The following PSMA1 variants were observed in gnomAD, a reference collection of about 807,000 sequenced individuals.
PSMA1 encodes proteasome 20S subunit alpha 1.
In PSMA1, 3 loss-of-function variants were observed where a neutral mutation model predicts 38.4. That is an observed-to-expected ratio of 0.08 (90% confidence interval 0.04 to 0.20). PSMA1 has a LOEUF of 0.20. Among genes scored for constraint, PSMA1 ranks in the 10% least tolerant of loss-of-function variants. The pLI is 1.00. For missense variants in PSMA1, 227 were observed against 325.3 expected, an observed-to-expected ratio of 0.70 and a Z score of 2.32; for synonymous variants, 101 against 107.1, an observed-to-expected ratio of 0.94 and a Z score of 0.35.
intron 2 of PSMA1, among the ~76,000 whole-genome samples, chr11:14,542,924 C>T (rs936570313): frequency 3.3e-5 from 5 of 152,238 alleles, no homozygotes; most frequent in Admixed American, 6.5e-5. Flanking sequence ...GGCAAGATCT[C>T]GGCTCACTGT....
chr11:14,563,503 T>C (rs1852033728), intron 2 of PSMA1, among the ~76,000 whole-genome samples: 1 of 152,240 alleles, frequency 6.6e-6, no homozygotes, highest in Non-Finnish European at 1.5e-5. Flanking sequence ...TAGAGCTGCC[T>C]GGGCTGCTTT....
intron 1 of PSMA1, among the ~76,000 whole-genome samples, chr11:14,629,027 T>C (rs1852960651): frequency 6.6e-6 from 1 of 151,248 alleles, no homozygotes; most frequent in African/African-American, 2.4e-5. Context: ...TGTTTTTTTC[T>C]TGTAAATTTG....
chr11:14,521,051 CAGATT>C (rs1851519848), upstream of PSMA1, among the ~76,000 whole-genome samples: 1 of 152,142 alleles, frequency 6.6e-6, no homozygotes, highest in Admixed American at 6.6e-5. Context: ...TGGTACCTGA[CAGATT>C]AGGCCACTGA....
intron 2 of PSMA1, among the ~76,000 whole-genome samples, chr11:14,564,822 A>T (rs1344319894): frequency 1.3e-5 from 2 of 148,816 alleles, no homozygotes; most frequent in Non-Finnish European, 3.0e-5. Context: ...TCTGTTGCCC[A>T]GGCTGGAATG....
At chr11:14,542,389 G>A (rs967477841) in intron 2 of PSMA1, among the ~76,000 whole-genome samples, 2 of 152,100 alleles carry the variant, frequency 1.3e-5, no homozygotes, top group African/African-American at 4.8e-5. Context: ...TTCAAAGGCT[G>A]GCATTCAGCT....
intron 2 of PSMA1, among the ~76,000 whole-genome samples, chr11:14,532,921 A>G (rs1362708230): frequency 3.9e-5 from 6 of 152,208 alleles, no homozygotes; most frequent in Non-Finnish European, 8.8e-5. Context: ...AAATCTAAAA[A>G]TAGCTGCTAA....
chr11:14,560,267 C>T (rs1219499546), intron 2 of PSMA1, among the ~76,000 whole-genome samples: 4 of 152,164 alleles, frequency 2.6e-5, no homozygotes, highest in Non-Finnish European at 5.9e-5. Context: ...ACAGTTCCTC[C>T]AGTATCCTGG....
At chr11:14,642,067 AGAT>A (rs1439468999) in intron 1 of PSMA1, among the ~76,000 whole-genome samples, 11 of 152,314 alleles carry the variant, frequency 7.2e-5, no homozygotes, top group African/African-American at 1.9e-4. Context: ...ATCCTACTTT[AGAT>A]GATAACTTCA....
At chr11:14,613,213 T>C (rs1852729901) in intron 1 of PSMA1, among the ~76,000 whole-genome samples, 1 of 150,300 alleles carries the variant, frequency 6.7e-6, no homozygotes, top group Non-Finnish European at 1.5e-5. Context: ...AAGTTAGGAG[T>C]TAAAAATCAA....
chr11:14,547,312 G>T (rs1296308595), intron 2 of PSMA1, among the ~76,000 whole-genome samples: 1 of 152,178 alleles, frequency 6.6e-6, no homozygotes, highest in African/African-American at 2.4e-5. Flanking sequence ...GAAGGTTAGA[G>T]AAATCTTTTT....
intron 2 of PSMA1, among the ~76,000 whole-genome samples, chr11:14,602,305 G>A (rs947370968): frequency 1.3e-5 from 2 of 152,118 alleles, no homozygotes; most frequent in East Asian, 3.9e-4. Flanking sequence ...AGCTTTTTGG[G>A]AGTAGCAAGG....
upstream of PSMA1, among the ~76,000 whole-genome samples, chr11:14,521,265 A>G (rs1455023847): frequency 6.7e-6 from 1 of 148,372 alleles, no homozygotes; most frequent in African/African-American, 2.5e-5. Flanking sequence ...TGAGATCACT[A>G]TATTATTTTA....
intron 1 of PSMA1, among the ~76,000 whole-genome samples, chr11:14,636,247 C>T (rs926189572): frequency 3.9e-5 from 6 of 152,150 alleles, no homozygotes; most frequent in Non-Finnish European, 8.8e-5. Context: ...ATAAGGTTGA[C>T]AATGAAACTT....
chr11:14,608,575 A>T (rs562655547), intron 2 of PSMA1, among the ~76,000 whole-genome samples: 16 of 148,824 alleles, frequency 1.1e-4, no homozygotes, highest in East Asian at 7.8e-4. Flanking sequence ...AATAAAATTT[A>T]AAAAAGGCAA....
intron 2 of PSMA1, among the ~76,000 whole-genome samples, chr11:14,601,967 C>T (rs186706266): frequency 6.6e-6 from 1 of 152,310 alleles, no homozygotes; most frequent in Non-Finnish European, 1.5e-5. Context: ...CCACCTTTAA[C>T]GTCTACCCTA....
rs376278969 is a variant in PSMA1, at chr11:14,641,935, G to A, written c.-166+1520C>T. Among the ~76,000 whole-genome samples the A allele has an allele frequency of 2.6e-5, 4 of 152,330 alleles. No homozygotes were observed. The East Asian group carries it at 5.8e-4, about 22-fold the overall frequency. On this transcript the variant is annotated intron_variant, in intron 1 of 10. Coordinates refer to the PSMA1 transcript ENST00000418988. ...AAATTAATTGCTTCATTTCACATTTGAGAAGAACAAGGCCAGTAAAAGTTA... is the reference window on the plus strand; with the variant it reads ...AAATTAATTGCTTCATTTCACATTTAAGAAGAACAAGGCCAGTAAAAGTTA...
chr11:14,505,044 T>C lies in PSMA1; in HGVS notation c.*148A>G, dbSNP rs748379388. The C allele has an allele frequency of 1.2e-5, 9 of 724,456 alleles. No homozygotes were observed. The highest frequency in any genetic ancestry group is 2.1e-5 in the Admixed American group (1 of 46,934). The allele number at this position is 724,456 out of a possible 1,614,324, so 44.9% of individuals were successfully genotyped here. On this transcript the variant is annotated 3_prime_UTR_variant, in exon 10 of 10. Transcript: ENST00000396394. ...ATTATATAGGTTTCAGTGAGGTTGC[T>C]TGGAAAAAACTCACATCTGGACTGA...
chr11:14,571,367 C>A (rs577122228), intron 2 of PSMA1, among the ~76,000 whole-genome samples: 6 of 152,318 alleles, frequency 3.9e-5, no homozygotes, highest in South Asian at 2.1e-4. Flanking sequence ...CAGGCCTCAA[C>A]ATTCTTAAAC....
Position 14,539,545 on chromosome 11 carries a change from C to T in PSMA1, c.22-20504G>A, listed in dbSNP as rs1851747801. Among the ~76,000 whole-genome samples the T allele has an allele frequency of 3.3e-5, 5 of 152,178 alleles. No homozygotes were observed. In the South Asian group the frequency reaches 1.0e-3, roughly 32 times the overall value. ...CAAACTAGAGTTATAAAGAGTGGAG[C>T]TTAAGAACAGGACCCACGGGCCGGG... On this transcript the variant is annotated intron_variant, in intron 2 of 10. Transcript: ENST00000418988.
Sources: allele counts gnomAD v4.1 joint callset (sites outside exome capture counted in the v4.1 genomes callset), GRCh38; gene constraint gnomAD v4.1.1; transcripts MANE v1.5; gene names NCBI Gene and HGNC (gene_info 2026-07-23, HGNC 2026-07-21).